Variants in SLC4A8 observed in about 807,000 individuals in gnomAD.
The protein encoded by SLC4A8 is solute carrier family 4 member 8, also known as electroneutral sodium bicarbonate exchanger 1.
SLC4A8 carries 40 observed loss-of-function variants against 125.0 expected under a neutral mutation model. The ratio of observed to expected loss-of-function variants is 0.32; its 90% confidence interval spans 0.25 to 0.42. The LOEUF (loss-of-function observed/expected upper bound fraction) is 0.42. Ranked by LOEUF, SLC4A8 falls within the 10% of genes least tolerant of loss-of-function variation. The pLI is 1.00. For synonymous variants in SLC4A8, 456 were observed against 476.0 expected (o/e 0.96, Z 0.55); for missense variants, 863 against 1,355.1 (o/e 0.64, Z 5.70).
At chr12:51,436,907 A>G (rs1949440617) in intron 1 of SLC4A8, among the ~76,000 whole-genome samples, 1 of 152,224 alleles carries the variant, frequency 6.6e-6, no homozygotes, top group African/African-American at 2.4e-5. Context: ...GATTATAGGC[A>G]TGAGCCACTG....
At position 51,466,369 on chromosome 12, in the gene SLC4A8, G is replaced by C. The variant is rs576553806; in HGVS notation, c.1349+2655G>C. 3.3e-5 allele frequency: 5 copies of C among 152,296 alleles called. No homozygotes were observed. In the South Asian group the frequency reaches 1.0e-3, roughly 32 times the overall value. 9.4% of individuals were successfully genotyped at this position (152,296 alleles called of 1,614,324 possible). On this transcript the variant is annotated intron_variant, in intron 11 of 24. Transcript: ENST00000453097. ...GGGTTAATGGAAAAAAGAATCAGGA[G>C]CTGCTATCTCGATGATCCCCCCACA...
At position 51,488,771 on chromosome 12, in the gene SLC4A8, A is replaced by C. The variant is rs763870514; in HGVS notation, c.2359A>C (p.Ile787Leu). 3 of 1,613,300 alleles carry C rather than the reference A, an allele frequency of 1.9e-6. No individual in the cohort carries two copies. The African/African-American group carries it at 4.0e-5, about 22-fold the overall frequency. ...PNPWWTVIAA[I>L]IPALLCTILI... ...TCCCTGGTGGACTGTGATAGCTGCA[A>C]TTATCCCAGCTCTTCTCTGTACTAT... The change falls in exon 18 of 25, where the codon ATT becomes CTT. Residue 787 changes from isoleucine to leucine, a missense_variant. Coordinates refer to ENST00000453097, the MANE Select transcript of SLC4A8 (RefSeq NM_001039960.3).
chr12:51,424,054 C>CACAA (rs1948870565), upstream of SLC4A8, among the ~76,000 whole-genome samples: 1 of 77,446 alleles, frequency 1.3e-5, no homozygotes, highest in African/African-American at 4.6e-5. Flanking sequence ...AAAAAAAAAA[C>CACAA]AAAAAAAACA....
chr12:51,438,965 G>A (rs541720607), intron 1 of SLC4A8, among the ~76,000 whole-genome samples: 46 of 152,232 alleles, frequency 3.0e-4, no homozygotes, highest in Non-Finnish European at 5.6e-4. Context: ...AAGATTTATA[G>A]AGCACTGTTA....
intron 22 of SLC4A8, chr12:51,502,354 G>C (rs150853441): frequency 6.6e-6 from 1 of 151,926 alleles, no homozygotes; most frequent in African/African-American, 2.4e-5. Context: ...TCCTACCTCA[G>C]CCTCCCGAGT....
intron 1 of SLC4A8, among the ~76,000 whole-genome samples, chr12:51,439,534 G>A (rs1949527976): frequency 6.6e-6 from 1 of 151,904 alleles, no homozygotes; most frequent in Non-Finnish European, 1.5e-5. Context: ...GCAGGTGGTG[G>A]GAGTGGCAGG....
Position 51,459,448 on chromosome 12 carries a change from A to AT in SLC4A8, c.856-491dup, listed in dbSNP as rs879807521. The stretch of plus-strand genomic sequence containing the variant: ...CACCTCTCTGGGTTTCAAATACTTC[A>AT]TTTTTTTTTTTTCTTTAAGTGGGAC... On this transcript the variant is annotated intron_variant, in intron 7 of 24. Coordinates refer to ENST00000453097, the MANE Select transcript of SLC4A8 (RefSeq NM_001039960.3). Among the ~76,000 whole-genome samples the AT allele has an allele frequency of 8.5e-4, 125 of 146,206 alleles. No homozygotes were observed. In the East Asian group the frequency reaches 8.7e-3, roughly 10 times the overall value.
rs369061825 is a variant in SLC4A8 at position 51,450,850 on chromosome 12, T to C, written c.131-26T>C. The stretch of plus-strand genomic sequence containing the variant: ...GTTTTTTAAAACTAAAGGAGTTCTC[T>C]CCACAGACCTTCTGCTTCTTTCCAG... On this transcript the variant is annotated intron_variant, in intron 2 of 24. Transcript: ENST00000453097. 2.2e-5 allele frequency: 35 copies of C among 1,612,658 alleles called. No homozygotes were observed. In the African/African-American group the frequency reaches 4.1e-4, roughly 19 times the overall value.
chr12:51,447,889 T>G (rs924229153), intron 2 of SLC4A8, among the ~76,000 whole-genome samples: 1 of 151,906 alleles, frequency 6.6e-6, no homozygotes, highest in Non-Finnish European at 1.5e-5. Context: ...GCTAATTTTT[T>G]GTATTTTTTT....
At chr12:51,403,120 T>C (rs907350) in intron 1 of SLC4A8, 120,934 of 292,140 alleles carry the variant, frequency 0.41, 17,333 homozygotes, top group Non-Finnish European at 0.49. Context: ...GTAATAGGTA[T>C]AAACTGCTCA....
At chr12:51,488,137 T>A (rs1014384916) in intron 17 of SLC4A8, among the ~76,000 whole-genome samples, 4 of 152,202 alleles carry the variant, frequency 2.6e-5, no homozygotes, top group Non-Finnish European at 5.9e-5. Flanking sequence ...TCAAAGGGGA[T>A]TCGGAACTAT....
intron 1 of SLC4A8, among the ~76,000 whole-genome samples, chr12:51,431,952 C>T (rs532430758): frequency 2.0e-5 from 3 of 152,140 alleles, no homozygotes; most frequent in Admixed American, 6.5e-5. Context: ...TACTGACTTA[C>T]TAATGTTAGT....
chr12:51,443,653 G>A (rs370837811), intron 2 of SLC4A8, among the ~76,000 whole-genome samples: 16 of 152,030 alleles, frequency 1.1e-4, no homozygotes, highest in East Asian at 9.6e-4. Flanking sequence ...CTTCTAATAC[G>A]TTTTTAACAG....
intron 6 of SLC4A8, among the ~76,000 whole-genome samples, chr12:51,458,009 A>G (rs1207280584): frequency 6.6e-6 from 1 of 152,138 alleles, no homozygotes; most frequent in East Asian, 1.9e-4. Context: ...TCACTTTCTT[A>G]CCTATAAAGT....
At chr12:51,493,850 A>G (rs1951386880) in intron 20 of SLC4A8, 78 bp downstream of exon 20, 1 of 888,074 alleles carries the variant, frequency 1.1e-6, no homozygotes, top group South Asian at 1.3e-5. Context: ...CAGCTCCCCA[A>G]GAGAAGCACA....
chr12:51,497,148 A>G, intron 22 of SLC4A8, 24 bp downstream of exon 22: 5 of 1,593,440 alleles, frequency 3.1e-6, no homozygotes, highest in East Asian at 2.2e-5. Flanking sequence ...CACCAACTGT[A>G]TACCTGGGGG....
chr12:51,441,269 A>G, intron 2 of SLC4A8: 7 of 903,934 alleles, frequency 7.7e-6, no homozygotes, highest in Non-Finnish European at 9.3e-6. Flanking sequence ...GGTTTCATCT[A>G]AACAAGAGGG....
At chr12:51,480,596 C>T in intron 16 of SLC4A8, 1 of 985,642 alleles carries the variant, frequency 1.0e-6, no homozygotes, top group Non-Finnish European at 1.2e-6. Flanking sequence ...ATGAATGTAT[C>T]TTTGGAAAAC....
At chr12:51,404,550 G>C (rs1016785069) in intron 1 of SLC4A8, among the ~76,000 whole-genome samples, 1 of 152,060 alleles carries the variant, frequency 6.6e-6, no homozygotes, top group African/African-American at 2.4e-5. Context: ...TCCTCCCCCC[G>C]TCTTTTCTCC....
Sources: allele counts gnomAD v4.1 joint callset (sites outside exome capture counted in the v4.1 genomes callset), GRCh38; gene constraint gnomAD v4.1.1; transcripts MANE v1.5; gene names NCBI Gene and HGNC (gene_info 2026-07-23, HGNC 2026-07-21).